Variants in ATP8A1 observed in about 807,000 individuals in gnomAD.
The protein encoded by ATP8A1 is ATPase phospholipid transporting 8A1, also known as phospholipid-transporting ATPase IA.
In ATP8A1, 90 loss-of-function variants were observed where a neutral mutation model predicts 177.7. The observed-to-expected ratio is 0.51, with a 90% CI of 0.43 to 0.60. The LOEUF is 0.60. ATP8A1 is among the 20% of genes least tolerant of loss of function. The probability of loss-of-function intolerance (pLI) is 0.00; values close to 1 mark genes in which losing one functional copy is unlikely to be tolerated. For missense variants in ATP8A1, 1,072 were observed against 1,392.8 expected (o/e 0.77, Z 3.67); for synonymous variants, 493 against 485.9 (o/e 1.01, Z -0.19).
intron 25 of ATP8A1, among the ~76,000 whole-genome samples, chr4:42,481,139 G>T (rs1578020627): frequency 6.6e-6 from 1 of 152,154 alleles, no homozygotes; most frequent in Admixed American, 6.6e-5. Flanking sequence ...ACTCTCTTCT[G>T]GAGGGAATAT....
At chr4:42,569,353 A>AG in intron 14 of ATP8A1, 148 bp from the exon 15 acceptor site, 1 of 488,074 alleles carries the variant, frequency 2.0e-6, no homozygotes, top group Non-Finnish European at 3.7e-6. Context: ...AAAGAATGGC[A>AG]GTTAGTACAG....
intron 35 of ATP8A1, among the ~76,000 whole-genome samples, chr4:42,416,328 A>G (rs1039994624): frequency 1.7e-4 from 26 of 152,274 alleles, no homozygotes; most frequent in African/African-American, 6.3e-4. Flanking sequence ...ATGGCAATGT[A>G]TCATTATGCA....
chr4:42,553,250 G>A (rs73165788), intron 16 of ATP8A1, among the ~76,000 whole-genome samples: 3,267 of 152,264 alleles, frequency 0.021, 113 homozygotes, highest in African/African-American at 0.075. Flanking sequence ...ATAAAAATTC[G>A]AAGATGTTCA....
intron 25 of ATP8A1, among the ~76,000 whole-genome samples, chr4:42,478,497 A>C (rs1417299743): frequency 6.6e-6 from 1 of 152,216 alleles, no homozygotes; most frequent in African/African-American, 2.4e-5. Context: ...GGAACATATG[A>C]AACACTTGAG....
Position 42,636,154 on chromosome 4 carries a change from A to ACGCGCGCGTG in ATP8A1, c.50-9046_50-9045insCACGCGCGCG, listed in dbSNP as rs765930469. Among the ~76,000 whole-genome samples the ACGCGCGCGTG allele has an allele frequency of 2.1e-4, 10 of 47,614 alleles. 1 individual carries two copies. Among genetic ancestry groups the ACGCGCGCGTG allele is most frequent in the African/African-American group, 4.3e-4 (10 of 23,092 alleles). The allele number at this position is 47,614 out of a possible 152,430, so 31.2% of individuals were successfully genotyped here. On this transcript the variant is annotated intron_variant, in intron 1 of 36. Transcript: ENST00000381668. ...CACACACACACACACACACACACACACACGCACACACACACACATAAGCTT... is the reference window on the plus strand; with the variant it reads ...CACACACACACACACACACACACACACGCGCGCGTGCACGCACACACACACACATAAGCTT...
At chr4:42,430,148 G>T (rs955836753) in intron 33 of ATP8A1, among the ~76,000 whole-genome samples, 1 of 150,848 alleles carries the variant, frequency 6.6e-6, no homozygotes, top group Admixed American at 6.6e-5. Flanking sequence ...ACATTTAAAT[G>T]AAAAAGAAAA....
intron 1 of ATP8A1, among the ~76,000 whole-genome samples, chr4:42,631,700 C>T (rs560471833): frequency 6.6e-6 from 1 of 152,286 alleles, no homozygotes; most frequent in African/African-American, 2.4e-5. Context: ...TTACCCCTTC[C>T]TTGACCATCT....
chr4:42,544,584 T>C (rs902997024), intron 19 of ATP8A1, among the ~76,000 whole-genome samples: 1 of 152,198 alleles, frequency 6.6e-6, no homozygotes, highest in Non-Finnish European at 1.5e-5. Context: ...CATAGTTTAA[T>C]AAGAACTGTC....
intron 25 of ATP8A1, among the ~76,000 whole-genome samples, chr4:42,466,170 T>C (rs1719744364): frequency 6.6e-6 from 1 of 152,146 alleles, no homozygotes; most frequent in South Asian, 2.1e-4. Flanking sequence ...CAATAAATTG[T>C]TCTAACAAAC....
At chr4:42,527,220 A>C (rs1319315588) in intron 20 of ATP8A1, among the ~76,000 whole-genome samples, 4 of 152,172 alleles carry the variant, frequency 2.6e-5, no homozygotes, top group African/African-American at 9.7e-5. Context: ...ATTGTGGAAA[A>C]ACAGACACAA....
At chr4:42,586,728 A>G (rs184369779) in intron 8 of ATP8A1, among the ~76,000 whole-genome samples, 3 of 152,376 alleles carry the variant, frequency 2.0e-5, no homozygotes, top group Admixed American at 2.0e-4. Context: ...AAGCTAGTCT[A>G]CAAAGATAAT....
At chr4:42,496,745 C>T (rs898126844) in intron 24 of ATP8A1, among the ~76,000 whole-genome samples, 6 of 151,986 alleles carry the variant, frequency 3.9e-5, no homozygotes, top group Non-Finnish European at 8.8e-5. Flanking sequence ...GATATATACA[C>T]ACATATACAC....
intron 35 of ATP8A1, among the ~76,000 whole-genome samples, chr4:42,418,165 C>T (rs1713458874): frequency 6.6e-6 from 1 of 152,138 alleles, no homozygotes; most frequent in Admixed American, 6.5e-5. Flanking sequence ...CCACCGAGTT[C>T]TCTGACACCT....
intron 8 of ATP8A1, among the ~76,000 whole-genome samples, chr4:42,587,985 A>G (rs79525606): frequency 0.015 from 2,360 of 152,358 alleles, 42 homozygotes; most frequent in Non-Finnish European, 0.022. Flanking sequence ...AACATATCAA[A>G]GCACTTAGAA....
At chr4:42,444,242 C>G (rs1212525113) in intron 32 of ATP8A1, among the ~76,000 whole-genome samples, 2 of 152,182 alleles carry the variant, frequency 1.3e-5, no homozygotes, top group African/African-American at 2.4e-5. Context: ...GGGTTTGCTG[C>G]AGAACACCAG....
chr4:42,555,401 T>C (rs1730110090), intron 16 of ATP8A1, among the ~76,000 whole-genome samples: 1 of 151,780 alleles, frequency 6.6e-6, no homozygotes, highest in South Asian at 2.1e-4. Flanking sequence ...GGTTCAATAA[T>C]CATTTAAAAT....
chr4:42,618,289 C>G (rs1181158664), intron 4 of ATP8A1, among the ~76,000 whole-genome samples: 1 of 152,236 alleles, frequency 6.6e-6, no homozygotes, highest in South Asian at 2.1e-4. Flanking sequence ...GGCTTACTCC[C>G]TGGCCCTCCT....
Position 42,656,903 on chromosome 4 carries a change from C to A in ATP8A1, c.-30G>T, listed in dbSNP as rs901580296. The stretch of plus-strand genomic sequence containing the variant: ...GCGGCGGCTGCAGGTGGGTCCTCAG[C>A]CCGGACTCTGCACCTGTCACGGCGT... On this transcript the variant is annotated 5_prime_UTR_variant, in exon 1 of 37. Coordinates refer to ENST00000381668, the MANE Select transcript of ATP8A1 (RefSeq NM_006095.2). 6.4e-6 allele frequency: 10 copies of A among 1,559,598 alleles called. No homozygotes were observed. The highest frequency in any genetic ancestry group is 8.7e-6 in the Non-Finnish European group (10 of 1,151,722).
intron 5 of ATP8A1, among the ~76,000 whole-genome samples, chr4:42,614,517 G>A (rs908298769): frequency 6.6e-6 from 1 of 152,112 alleles, no homozygotes; most frequent in Non-Finnish European, 1.5e-5. Context: ...CTAAACTCCT[G>A]GAGTAGCTCT....
Sources: gnomAD v4.1 joint callset for allele counts (sites outside exome capture counted in the v4.1 genomes callset) on GRCh38, gnomAD v4.1.1 for gene constraint, MANE v1.5 for transcripts, NCBI Gene and HGNC (gene_info 2026-07-23, HGNC 2026-07-21) for gene names.